Variants in TTC12 observed in about 807,000 individuals in gnomAD.
TTC12 encodes tetratricopeptide repeat domain 12, also known as tetratricopeptide repeat protein 12.
In TTC12, 70 loss-of-function variants were observed where a neutral mutation model predicts 90.1. That is an observed-to-expected ratio of 0.78 (90% confidence interval 0.64 to 0.95). The LOEUF (loss-of-function observed/expected upper bound fraction) is 0.95, where lower values mean the gene tolerates loss of function less well. Among genes scored for constraint, TTC12 ranks in the 40% least tolerant of loss-of-function variants. The pLI, the probability that TTC12 is intolerant of heterozygous loss-of-function variation, is 0.00. For synonymous variants in TTC12, 296 were observed against 311.5 expected, an observed-to-expected ratio of 0.95 and a Z score of 0.53; for missense variants, 819 against 846.1, an observed-to-expected ratio of 0.97 and a Z score of 0.40.
At position 113,366,315 on chromosome 11, in the gene TTC12, G is replaced by A. The variant is rs1333883679; in HGVS notation, c.*15G>A. On this transcript the variant is annotated 3_prime_UTR_variant, in exon 22 of 22. Coordinates refer to ENST00000529221, the MANE Select transcript of TTC12 (RefSeq NM_017868.4). ...GTGATTCTTGAGAGAGACAGGGTTT[G>A]TGTGCATTTGGGGAACACACAGATG... 1 of 1,613,060 alleles carries A rather than the reference G, an allele frequency of 6.2e-7. No homozygotes were observed.
intron 5 of TTC12, among the ~76,000 whole-genome samples, chr11:113,324,969 G>A (rs1341170180): frequency 1.3e-5 from 2 of 152,198 alleles, no homozygotes; most frequent in African/African-American, 2.4e-5. Context: ...TGCTCAGGAA[G>A]TAGTGGGGGG....
chr11:113,327,746 A>T (rs1947779751), intron 6 of TTC12, among the ~76,000 whole-genome samples: 1 of 152,210 alleles, frequency 6.6e-6, no homozygotes, highest in Non-Finnish European at 1.5e-5. Context: ...TCATGGCCAC[A>T]GCTGTCTAGA....
intron 10 of TTC12, among the ~76,000 whole-genome samples, 183 bp from the exon 11 acceptor site, chr11:113,340,481 C>T (rs541873445): frequency 9.8e-5 from 15 of 152,346 alleles, no homozygotes; most frequent in Admixed American, 3.9e-4. Context: ...AGGCCTCTGA[C>T]GCTGAGAGGC....
intron 21 of TTC12, 97 bp downstream of exon 21, chr11:113,365,157 G>A (rs1591222279): frequency 9.2e-7 from 1 of 1,085,422 alleles, no homozygotes; most frequent in East Asian, 2.5e-5. Flanking sequence ...ACACAGAACA[G>A]TGTGGGAAGC....
chr11:113,324,772 T>A, intron 5 of TTC12, 90 bp downstream of exon 5: 1 of 1,168,574 alleles, frequency 8.6e-7, no homozygotes, highest in Non-Finnish European at 1.2e-6. Flanking sequence ...TGAGGACATC[T>A]AGATTCCCAG....
intron 20 of TTC12, 47 bp downstream of exon 20, chr11:113,363,974 C>A (rs1591216577): frequency 2.2e-6 from 3 of 1,359,360 alleles, no homozygotes; most frequent in African/African-American, 1.4e-5. Context: ...GAGGTTCATC[C>A]ACCCTTGAAG....
In TTC12 at chr11:113,360,691, G is replaced by T. The variant is rs117854721; in HGVS notation, c.1614+683G>T. Among the ~76,000 whole-genome samples, 801 of 152,300 alleles carry T rather than the reference G, an allele frequency of 5.3e-3. 4 individuals are homozygous for T. The highest frequency in any genetic ancestry group is 0.017 in the Middle Eastern group (5 of 294). On this transcript the variant is annotated intron_variant, in intron 18 of 21. Coordinates refer to ENST00000529221, the MANE Select transcript of TTC12 (RefSeq NM_017868.4). ...TCCCTGTCAGGGCAGGACCCTAATG[G>T]CTAGGGAAGCAATTAGGGCCACATC...
chr11:113,335,588 C>T (rs575115186), intron 8 of TTC12, among the ~76,000 whole-genome samples: 1 of 152,280 alleles, frequency 6.6e-6, no homozygotes, highest in African/African-American at 2.4e-5. Flanking sequence ...AGTCCCCTTC[C>T]CCCAACCCCA....
intron 12 of TTC12, 84 bp from the exon 13 acceptor site, chr11:113,344,188 G>A: frequency 4.2e-6 from 6 of 1,437,786 alleles, no homozygotes; most frequent in South Asian, 1.3e-5. Flanking sequence ...CACCAGTTGA[G>A]TTTCCCATTA....
intron 6 of TTC12, among the ~76,000 whole-genome samples, chr11:113,329,260 C>G (rs1555141932): frequency 6.6e-6 from 1 of 152,220 alleles, no homozygotes; most frequent in Non-Finnish European, 1.5e-5. Flanking sequence ...TATGAGAGCT[C>G]TAATTATCTG....
Position 113,350,063 on chromosome 11 carries a change from T to C in TTC12, c.1155-10T>C. 2 of 1,612,170 alleles carry C rather than the reference T, an allele frequency of 1.2e-6. No homozygotes were observed. Among genetic ancestry groups the C allele is most frequent in the Non-Finnish European group, 1.7e-6 (2 of 1,178,274 alleles). ...ACAGCTACCTCTGAGGTTATTATGGTTTTTTGCAGATTATTGGAAGCGCTG... is the reference window on the plus strand; with the variant it reads ...ACAGCTACCTCTGAGGTTATTATGGCTTTTTGCAGATTATTGGAAGCGCTG... On this transcript the variant is annotated splice_polypyrimidine_tract_variant and intron_variant, in intron 13 of 21. Transcript: ENST00000529221.
Position 113,332,921 on chromosome 11 carries a change from ATAGT to A in TTC12, c.505-2039_505-2036del, listed in dbSNP as rs760225364. Among the ~76,000 whole-genome samples, 7 of 152,062 alleles carry A rather than the reference ATAGT, an allele frequency of 4.6e-5. No homozygotes were observed. In the East Asian group the frequency reaches 7.7e-4, roughly 17 times the overall value. On this transcript the variant is annotated intron_variant, in intron 7 of 21. Coordinates refer to ENST00000529221, the MANE Select transcript of TTC12 (RefSeq NM_017868.4). ...ACATCCTCCATATCCCTTATCATTG[ATAGT>A]TAGTTGATGCTGGTCAGATCTTTCT... is the stretch of plus-strand genomic sequence containing the variant.
downstream of TTC12, chr11:113,368,211 C>G (rs1041965941): frequency 4.7e-6 from 7 of 1,494,116 alleles, no homozygotes; most frequent in African/African-American, 9.7e-5. Context: ...GCAGTCATCT[C>G]CAATTTGGAA....
intron 21 of TTC12, among the ~76,000 whole-genome samples, chr11:113,372,562 C>CT (rs1950413908): frequency 6.6e-6 from 1 of 152,156 alleles, no homozygotes; most frequent in South Asian, 2.1e-4. Flanking sequence ...CATTATTGTA[C>CT]TTTAACTATT....
At position 113,338,816 on chromosome 11, in the gene TTC12, C is replaced by T; in HGVS notation, c.619C>T (p.Leu207=). Residue 207 remains leucine, a synonymous_variant, in exon 9 of 22, where the codon CTG becomes TTG. Transcript: ENST00000529221. The part of the protein sequence containing the change: ...YKKILEINPK[L]QTQVKGYLNQ... ...GAAGATCTTAGAAATAAACCCCAAGCTGCAAACCCAGGTGAAAGGTGAGCA... is the reference window on the plus strand; with the variant it reads ...GAAGATCTTAGAAATAAACCCCAAGTTGCAAACCCAGGTGAAAGGTGAGCA... The T allele has an allele frequency of 6.2e-7, 1 of 1,614,090 alleles. No individual in the cohort carries two copies.
intron 21 of TTC12, chr11:113,371,392 T>A (rs957917176): frequency 1.3e-5 from 2 of 152,190 alleles, no homozygotes; most frequent in African/African-American, 2.4e-5. Context: ...ATTGTTGGAG[T>A]GTTATTTTTA....
At position 113,362,424 on chromosome 11, in the gene TTC12, G is replaced by A; in HGVS notation, c.1638G>A (p.Arg546=). ...ILTRAAGVLS[R]TLSSSLKIVE... is the part of the protein sequence containing the mutation. ...AGAGAGCTGCTGGTGTTCTGAGCCGGACCCTTTCTTCCTCTCTGAAAATTG... is the reference window on the plus strand; with the variant it reads ...AGAGAGCTGCTGGTGTTCTGAGCCGAACCCTTTCTTCCTCTCTGAAAATTG... The change falls in exon 19 of 22, where the codon CGG becomes CGA. Residue 546 remains arginine, a synonymous_variant. Transcript: ENST00000529221. 2 of 1,613,954 alleles carry A rather than the reference G, an allele frequency of 1.2e-6. No homozygotes were observed. Among genetic ancestry groups the A allele is most frequent in the Non-Finnish European group, 1.7e-6 (2 of 1,179,856 alleles).
rs1257460829 is a variant in TTC12, at chr11:113,316,478, G to A, written c.58+163G>A. The stretch of plus-strand genomic sequence containing the variant: ...TTGAGAAACAAGTTATAGCCTCAGG[G>A]CTGTATTTTCTGGCTGTTAATTGGT... On this transcript the variant is annotated intron_variant, in intron 2 of 21. Coordinates refer to ENST00000529221, the MANE Select transcript of TTC12 (RefSeq NM_017868.4). Among the ~76,000 whole-genome samples, 4 of 152,218 alleles carry A rather than the reference G, an allele frequency of 2.6e-5. 1 individual carries two copies. Among genetic ancestry groups the A allele is most frequent in the Non-Finnish European group, 5.9e-5 (4 of 68,028 alleles).
At position 113,344,375 on chromosome 11, in the gene TTC12, G is replaced by GCTGCTGCCCC; in HGVS notation, c.1096_1097insCCCCTGCTGC (p.His366ProfsTer9). 4 of 1,614,178 alleles carry GCTGCTGCCCC rather than the reference G, an allele frequency of 2.5e-6. No homozygotes were observed. The highest frequency in any genetic ancestry group is 3.4e-6 in the Non-Finnish European group (4 of 1,180,026). On this transcript the variant is annotated frameshift_variant, in exon 13 of 22. Transcript: ENST00000529221. LOFTEE classifies it high-confidence loss of function. The stretch of plus-strand genomic sequence containing the variant: ...CCATCCGGCAGCAGAGCTTTGCCCT[G>GCTGCTGCCCC]CTGCTGCATCTCGCCCAGACTGAGA...
Sources: gnomAD v4.1 joint callset for allele counts (sites outside exome capture counted in the v4.1 genomes callset) on GRCh38, gnomAD v4.1.1 for gene constraint, MANE v1.5 for transcripts, NCBI Gene and HGNC (gene_info 2026-07-23, HGNC 2026-07-21) for gene names.